Variants in FKBP11 observed in about 807,000 individuals in gnomAD.
FKBP11 encodes peptidyl-prolyl cis-trans isomerase FKBP11.
FKBP11 carries 21 observed loss-of-function variants against 24.7 expected under a neutral mutation model. That is an observed-to-expected ratio of 0.85 (90% confidence interval 0.60 to 1.23). The LOEUF (loss-of-function observed/expected upper bound fraction) is 1.23, where lower values mean the gene tolerates loss of function less well. FKBP11 is among the 50% of genes most tolerant of loss of function. FKBP11 has a pLI of 0.00. For synonymous variants in FKBP11, 106 were observed against 100.6 expected (o/e 1.05, Z -0.32); for missense variants, 245 against 248.7 (o/e 0.99, Z 0.10).
chr12:48,936,075 A>G, the FKBP11 span: 9 of 152,388 alleles, frequency 5.9e-5, 1 homozygote, highest in Admixed American at 2.6e-4. Context: ...CTCTCTATCA[A>G]TCAAGTGTGC....
intron 5 of FKBP11, chr12:48,922,765 T>C: frequency 1.0e-6 from 1 of 1,000,960 alleles, no homozygotes; most frequent in Non-Finnish European, 1.2e-6. Context: ...GCACTGGGAA[T>C]GGGGAGGTAA....
the FKBP11 span, chr12:48,935,719 C>A: frequency 6.6e-6 from 1 of 152,158 alleles, no homozygotes; most frequent in Non-Finnish European, 1.5e-5. Context: ...CATTACACTG[C>A]CCAGACGTTT....
chr12:48,924,164 G>A lies in FKBP11; in HGVS notation c.317+59C>T, dbSNP rs532507561. ...TCCTGCTTAAGGAGTGAGGATGGCC[G>A]AGAAAGCCTCTACCCATGCAAAGGG... On this transcript the variant is annotated intron_variant, in intron 4 of 5. Coordinates refer to ENST00000550765, the MANE Select transcript of FKBP11 (RefSeq NM_016594.3). 21 of 1,595,820 alleles carry A rather than the reference G, an allele frequency of 1.3e-5. No individual in the cohort carries two copies. The East Asian group carries it at 2.7e-4, about 20-fold the overall frequency.
At chr12:48,924,103 T>G in intron 4 of FKBP11, 120 bp downstream of exon 4, 2 of 1,203,774 alleles carry the variant, frequency 1.7e-6, no homozygotes, top group Non-Finnish European at 2.5e-6. Flanking sequence ...GACCTGGACC[T>G]GTCCAGTGGG....
intron 5 of FKBP11, 46 bp from the exon 6 acceptor site, chr12:48,922,247 T>A: frequency 6.5e-7 from 1 of 1,539,074 alleles, no homozygotes; most frequent in Non-Finnish European, 8.9e-7. Context: ...CTGCATTTTA[T>A]CCAGGGCTCA....
At chr12:48,924,927 C>T (rs1393627360) in intron 2 of FKBP11, 119 bp downstream of exon 2, 6 of 1,442,088 alleles carry the variant, frequency 4.2e-6, no homozygotes, top group Non-Finnish European at 5.5e-6. Context: ...TGCTCGACGA[C>T]CCCAGAGCCC....
chr12:48,924,187 G>A (rs1939899974), intron 4 of FKBP11, 36 bp downstream of exon 4: 1 of 1,611,962 alleles, frequency 6.2e-7, no homozygotes, highest in Non-Finnish European at 8.5e-7. Context: ...CCCATGCAAA[G>A]GGGGTACCCA....
At chr12:48,923,608 T>C (rs1214702258) in intron 5 of FKBP11, 174 bp downstream of exon 5, 6 of 1,553,582 alleles carry the variant, frequency 3.9e-6, no homozygotes, top group Non-Finnish European at 5.2e-6. Context: ...TTAGTCCCTG[T>C]TGGTGATATG....
chr12:48,927,796 A>G (rs1939997528), upstream of FKBP11, among the ~76,000 whole-genome samples: 1 of 152,198 alleles, frequency 6.6e-6, no homozygotes, highest in Non-Finnish European at 1.5e-5. Context: ...TGAGGATGGA[A>G]GCTGCACGCT....
At chr12:48,925,015 A>AG in intron 2 of FKBP11, 31 bp downstream of exon 2, 18 of 1,024,952 alleles carry the variant, frequency 1.8e-5, no homozygotes, top group Non-Finnish European at 2.6e-5. Context: ...GCCCCCTCCC[A>AG]GGCCCCGCCC....
At chr12:48,924,950 C>T (rs1939925423) in intron 2 of FKBP11, 96 bp downstream of exon 2, 1 of 1,477,176 alleles carries the variant, frequency 6.8e-7, no homozygotes, top group Non-Finnish European at 9.0e-7. Flanking sequence ...AGTTTCTTCT[C>T]CCGAACCGCT....
chr12:48,922,423 C>A, intron 5 of FKBP11: 1 of 724,342 alleles, frequency 1.4e-6, no homozygotes, highest in Non-Finnish European at 2.0e-6. Context: ...TGGCTTGGGT[C>A]CAGTGACAAG....
intron 5 of FKBP11, 26 bp downstream of exon 5, chr12:48,923,756 C>G: frequency 6.2e-7 from 1 of 1,610,548 alleles, no homozygotes; most frequent in Non-Finnish European, 8.5e-7. Flanking sequence ...TTTTGATGGC[C>G]TGAGAGAGAG....
rs765958801 is a variant in FKBP11, at chr12:48,922,200, C to T, written c.390G>A (p.Ala130=). 1.6e-5 allele frequency: 25 copies of T among 1,610,094 alleles called. No homozygotes were observed. Among genetic ancestry groups the T allele is most frequent in the East Asian group, 2.2e-5 (1 of 44,762 alleles). The change falls in exon 6 of 6, where the codon GCG becomes GCA. Residue 130 remains alanine, a splice_region_variant and synonymous_variant. Coordinates refer to ENST00000550765, the MANE Select transcript of FKBP11 (RefSeq NM_016594.3). ...CCACGTCATACTGCACCACTGCATC[C>T]GCTGGAGAGGCAGAGGGGTGGAGAG... The part of the protein sequence containing the change: ...GKRGFPPSVP[A]DAVVQYDVEL...
upstream of FKBP11, chr12:48,926,547 G>A (rs1207484219): frequency 9.8e-6 from 1 of 102,202 alleles, no homozygotes; most frequent in Non-Finnish European, 2.3e-5. Context: ...TTTTGAGGGG[G>A]AGGAGTTTTG....
At chr12:48,934,292 A>C in the FKBP11 span, among the ~76,000 whole-genome samples, 1 of 152,130 alleles carries the variant, frequency 6.6e-6, no homozygotes, top group African/African-American at 2.4e-5. Flanking sequence ...AGCCAACCTA[A>C]GCCCTTCCAC....
chr12:48,922,907 G>A, intron 5 of FKBP11: 1 of 1,064,402 alleles, frequency 9.4e-7, no homozygotes, highest in Non-Finnish European at 1.1e-6. Context: ...CCCGCACTTT[G>A]GGAAGCCAAG....
At chr12:48,938,623 CCAAA>C in the FKBP11 span, 1 of 445,402 alleles carries the variant, frequency 2.2e-6, no homozygotes, top group South Asian at 1.6e-5. Context: ...GCAACCACTG[CCAAA>C]CAAAGAGAAT....
the FKBP11 span, among the ~76,000 whole-genome samples, chr12:48,933,191 C>T: frequency 6.6e-6 from 1 of 152,174 alleles, no homozygotes; most frequent in African/African-American, 2.4e-5. Context: ...CTGTCCTAAC[C>T]CTCTTCCCTT....
Sources: allele counts gnomAD v4.1 joint callset (sites outside exome capture counted in the v4.1 genomes callset), GRCh38; gene constraint gnomAD v4.1.1; transcripts MANE v1.5; gene names NCBI Gene and HGNC (gene_info 2026-07-23, HGNC 2026-07-21).